The following TRPM4 variants were observed in gnomAD, a reference collection of about 807,000 sequenced individuals.
TRPM4 encodes calcium-activated non-selective cation channel 1.
Under a neutral mutation model 135.6 loss-of-function variants are expected in TRPM4, and 124 were observed. The ratio of observed to expected loss-of-function variants is 0.91; its 90% CI spans 0.79 to 1.06. TRPM4 has a LOEUF of 1.06. Among genes scored for constraint, TRPM4 ranks in the 50% least tolerant of loss-of-function variants. The pLI, the probability that TRPM4 is intolerant of heterozygous loss-of-function variation, is 0.00. For missense variants in TRPM4, 1,658 were observed against 1,671.4 expected (o/e 0.99, Z 0.14); for synonymous variants, 745 against 705.6 (o/e 1.06, Z -0.88).
intron 14 of TRPM4, 24 bp from the exon 15 acceptor site, chr19:49,190,184 C>T (rs770186868): frequency 6.3e-7 from 1 of 1,598,280 alleles, no homozygotes; most frequent in Non-Finnish European, 8.6e-7. Context: ...AGATTTGGAT[C>T]CTAATCCTTC....
At chr19:49,169,697 G>A (rs1435466318) in intron 6 of TRPM4, among the ~76,000 whole-genome samples, 2 of 151,958 alleles carry the variant, frequency 1.3e-5, no homozygotes, top group Non-Finnish European at 2.9e-5. Flanking sequence ...GATTACAGAC[G>A]TGAGCCACTG....
chr19:49,172,115 G>A lies in TRPM4; in HGVS notation c.1150+7G>A. ...TTGAAGGCCCTTGTGAAGGGTAAAA[G>A]TTGTACCCTCCAGTCTTCCCCCTCT... On this transcript the variant is annotated splice_region_variant and intron_variant, in intron 9 of 24. Transcript: ENST00000252826. 1 of 1,600,488 alleles carries A rather than the reference G, an allele frequency of 6.2e-7. No individual in the cohort carries two copies. The highest frequency in any genetic ancestry group is 1.7e-5 in the Admixed American group (1 of 59,994).
Position 49,171,790 on chromosome 19 carries a change from C to A in TRPM4, c.1050+21C>A, listed in dbSNP as rs375858940. On this transcript the variant is annotated intron_variant, in intron 8 of 24. Transcript: ENST00000252826. The surrounding 1 kb of genome is among the most constrained non-coding windows in gnomAD (Gnocchi z 4.7). The stretch of plus-strand genomic sequence containing the variant: ...CCCAGGTATGACACTGGGGGCCCAA[C>A]TCTGGATCCTGAGATGGGAGGGAAC... 40 of 1,604,362 alleles carry A rather than the reference C, an allele frequency of 2.5e-5. No homozygotes were observed. In the African/African-American group the frequency reaches 4.8e-4, roughly 19 times the overall value.
intron 17 of TRPM4, among the ~76,000 whole-genome samples, chr19:49,197,484 C>T (rs1299389258): frequency 1.5e-5 from 1 of 67,400 alleles, no homozygotes; most frequent in African/African-American, 5.8e-5. Flanking sequence ...TCCTTCCTTC[C>T]TTCCTTCCTT....
In TRPM4 at chr19:49,188,936, T is replaced by C. The variant is rs1388444979; in HGVS notation, c.1874-10T>C. ...CCATCCCTGTCACATAACTAACTCC[T>C]CTGCCCCAGACCTCTTTGGCGAGTG... On this transcript the variant is annotated splice_polypyrimidine_tract_variant and intron_variant, in intron 13 of 24. Transcript: ENST00000252826. 1 of 1,613,978 alleles carries C rather than the reference T, an allele frequency of 6.2e-7. No homozygotes were observed. Among genetic ancestry groups the C allele is most frequent in the Non-Finnish European group, 8.5e-7 (1 of 1,180,034 alleles).
At chr19:49,204,617 C>T (rs1969075221) in intron 20 of TRPM4, among the ~76,000 whole-genome samples, 1 of 152,032 alleles carries the variant, frequency 6.6e-6, no homozygotes, top group Non-Finnish European at 1.5e-5. Flanking sequence ...GCAGCCTCAA[C>T]CTCCTGGGCT....
chr19:49,190,419 G>A, intron 15 of TRPM4, 99 bp downstream of exon 15: 1 of 1,122,348 alleles, frequency 8.9e-7, no homozygotes, highest in South Asian at 1.3e-5. Flanking sequence ...TCGGCCCATT[G>A]TGTCCCTTCC....
At chr19:49,192,736 A>G (rs1968457336) in intron 16 of TRPM4, among the ~76,000 whole-genome samples, 1 of 152,126 alleles carries the variant, frequency 6.6e-6, no homozygotes, top group Admixed American at 6.6e-5. Context: ...TACTAGGCTA[A>G]ATACCTGGGT....
At chr19:49,196,926 C>T in intron 17 of TRPM4, 52 bp downstream of exon 17, 1 of 1,511,216 alleles carries the variant, frequency 6.6e-7, no homozygotes, top group Non-Finnish European at 8.9e-7. Flanking sequence ...TCTCATCCTT[C>T]CTGCCCACTC....
chr19:49,171,399 G>A lies in TRPM4; in HGVS notation c.839G>A (p.Gly280Asp), dbSNP rs2122831866. Residue 280 changes from glycine to aspartate, a missense_variant, in exon 7 of 25, where the codon GGT (glycine) becomes GAT (aspartate). Transcript: ENST00000252826. This position sits in a 1 kb window ranked among gnomAD's most constrained non-coding sequence, Gnocchi z 4.7. The part of the protein sequence containing the change: ...DIPVLLLLID[G>D]DEKMLTRIEN... ...CCTGTCCTGCTCCTCCTGATTGATG[G>A]TGATGAGAAGATGTTGACGGTATAG... 1 of 1,614,122 alleles carries A rather than the reference G, an allele frequency of 6.2e-7. No individual in the cohort carries two copies. The highest frequency in any genetic ancestry group is 1.3e-5 in the African/African-American group (1 of 75,018).
chr19:49,159,095 G>C (rs2041585195), intron 2 of TRPM4: 1 of 141,668 alleles, frequency 7.1e-6, no homozygotes, highest in Non-Finnish European at 1.5e-5. Context: ...GCAGTGGCGC[G>C]ATCTCGGCTC....
Position 49,168,682 on chromosome 19 carries a change from C to T in TRPM4, c.742C>T (p.Arg248Cys), listed in dbSNP as rs373749900. Residue 248 changes from arginine (R) to cysteine (C), a missense_variant, in exon 6 of 25, where the codon CGC becomes TGC. Coordinates refer to ENST00000252826, the MANE Select transcript of TRPM4 (RefSeq NM_017636.4). ...ACACGGCTGCCTGGGGGGCGAGAAC[C>T]GCTTCCGCTTGCGCCTGGAGTCCTA... ...GTHGCLGGEN[R>C]FRLRLESYIS... 6.2e-5 allele frequency: 100 copies of T among 1,611,152 alleles called. No homozygotes were observed. Among genetic ancestry groups the T allele is most frequent in the Middle Eastern group, 4.9e-4 (3 of 6,084 alleles).
chr19:49,162,565 C>CAAAA lies in TRPM4; in HGVS notation c.93-3472_93-3469dup, dbSNP rs1491306800. 3.3e-3 allele frequency among the ~76,000 whole-genome samples: 505 copies of CAAAA among 151,368 alleles called. 1 individual carries two copies. The highest frequency in any genetic ancestry group is 5.7e-3 in the Non-Finnish European group (385 of 67,796). ...AAACAAAACAAAACAAACAAACAAA[C>CAAAA]AAAAAAACAATTTATTTCAGTTTCT... On this transcript the variant is annotated intron_variant, in intron 2 of 24. Transcript: ENST00000252826.
chr19:49,201,991 C>A lies in TRPM4; in HGVS notation c.2981C>A (p.Ser994Ter), dbSNP rs575737661. 6.2e-7 allele frequency: 1 copy of A among 1,613,790 alleles called. No individual in the cohort carries two copies. Residue 994 changes from serine to a stop codon, truncating the protein, a stop_gained, in exon 20 of 25, where the codon TCG becomes TAG. Transcript: ENST00000252826. LOFTEE classifies it high-confidence loss of function. ...GCCCTCATGGAGCACAGCAACTGCT[C>A]GTCGGAGCCCGGCTTCTGGGCACAC... ...DVALMEHSNC[S>*]SEPGFWAHPP...
chr19:49,211,065 G>C lies in TRPM4; in HGVS notation c.3512G>C (p.Arg1171Pro). ...GGACACATCCGCGAGTACGAACAGC[G>C]CCTGAAAGTGCTGGAGCGGGAGGTG... ...QLGHIREYEQ[R>P]LKVLEREVQQ... Residue 1171 changes from arginine to proline, a missense_variant, in exon 23 of 25, where the codon CGC (arginine) becomes CCC (proline). Arg to Pro is a moderately radical substitution (Grantham distance 103). Transcript: ENST00000252826. The surrounding 1 kb of genome is among the most constrained non-coding windows in gnomAD (Gnocchi z 4.8). The C allele has an allele frequency of 1.2e-6, 2 of 1,614,098 alleles. No individual in the cohort carries two copies. The highest frequency in any genetic ancestry group is 1.7e-6 in the Non-Finnish European group (2 of 1,179,996).
rs565447471 is a variant in TRPM4 at position 49,169,095 on chromosome 19, G to A, written c.796+359G>A. On this transcript the variant is annotated intron_variant, in intron 6 of 24. Transcript: ENST00000252826. ...TGTGCCTGTAATCCCAGCTACTTGG[G>A]AGGCTAAGGTGAGAGAACTGCTTGA... Among the ~76,000 whole-genome samples the A allele has an allele frequency of 1.1e-3, 164 of 151,070 alleles. 3 individuals are homozygous for A. The South Asian group carries it at 0.033, about 30-fold the overall frequency.
intron 20 of TRPM4, among the ~76,000 whole-genome samples, chr19:49,209,380 C>T (rs963389844): frequency 6.6e-6 from 1 of 152,128 alleles, no homozygotes; most frequent in African/African-American, 2.4e-5. Context: ...TAGAATTCAC[C>T]AGCACAGCCA....
intron 17 of TRPM4, among the ~76,000 whole-genome samples, chr19:49,197,312 C>CTTTCTT (rs1162383169): frequency 2.1e-5 from 1 of 48,270 alleles, no homozygotes; most frequent in East Asian, 6.7e-4. Context: ...CTTTCTTTTT[C>CTTTCTT]TTTCTTTCTT....
At chr19:49,174,208 A>T (rs558993154) in intron 9 of TRPM4, among the ~76,000 whole-genome samples, 38 of 152,214 alleles carry the variant, frequency 2.5e-4, no homozygotes, top group Non-Finnish European at 3.7e-4. Flanking sequence ...GCTGGAGTGC[A>T]GTGGTGCGAG....
Sources: gnomAD v4.1 joint callset for allele counts (sites outside exome capture counted in the v4.1 genomes callset) on GRCh38, gnomAD v4.1.1 for gene constraint, Gnocchi (gnomAD v3.1) non-coding constraint, MANE v1.5 for transcripts, NCBI Gene and HGNC (gene_info 2026-07-23, HGNC 2026-07-21) for gene names.